Variants in PDIA6 observed in about 807,000 individuals in gnomAD.
The protein encoded by PDIA6 is protein disulfide-isomerase A6.
In PDIA6, 29 loss-of-function variants were observed where a neutral mutation model predicts 58.4. That is an observed-to-expected ratio of 0.50 (90% CI 0.37 to 0.68). PDIA6 has a LOEUF of 0.68. Ranked by LOEUF, PDIA6 falls within the 30% of genes least tolerant of loss-of-function variation. PDIA6 has a pLI of 0.00. For synonymous variants in PDIA6, 192 were observed against 202.6 expected (o/e 0.95, Z 0.44); for missense variants, 480 against 551.0 (o/e 0.87, Z 1.29).
At chr2:10,822,670 C>G (rs531404382) in intron 1 of PDIA6, among the ~76,000 whole-genome samples, 1 of 152,246 alleles carries the variant, frequency 6.6e-6, no homozygotes, top group Non-Finnish European at 1.5e-5. Flanking sequence ...TATCTTCACC[C>G]TCTATACCAT....
At chr2:10,795,923 C>T (rs1443960393) in intron 4 of PDIA6, among the ~76,000 whole-genome samples, 1 of 152,176 alleles carries the variant, frequency 6.6e-6, no homozygotes, top group Non-Finnish European at 1.5e-5. Flanking sequence ...CCATATAAAT[C>T]TTCAACAAAA....
chr2:10,822,901 C>T (rs1178750700), intron 1 of PDIA6, among the ~76,000 whole-genome samples: 1 of 152,220 alleles, frequency 6.6e-6, no homozygotes, highest in Non-Finnish European at 1.5e-5. Flanking sequence ...AAGGCCTCCC[C>T]TTTGTGAACC....
chr2:10,817,284 C>T (rs559784632), upstream of PDIA6, among the ~76,000 whole-genome samples: 6 of 152,334 alleles, frequency 3.9e-5, no homozygotes, highest in South Asian at 1.2e-3. Flanking sequence ...CCTGCCTCAG[C>T]AGCTGATGGT....
upstream of PDIA6, among the ~76,000 whole-genome samples, chr2:10,814,225 C>T (rs1003844855): frequency 1.3e-5 from 2 of 152,134 alleles, no homozygotes; most frequent in African/African-American, 4.8e-5. Flanking sequence ...GAGGAAGTGG[C>T]ACTAGAGCTG....
chr2:10,810,840 G>T (rs1331724668), intron 1 of PDIA6, among the ~76,000 whole-genome samples: 1 of 152,054 alleles, frequency 6.6e-6, no homozygotes, highest in Non-Finnish European at 1.5e-5. Context: ...GACCAATGAC[G>T]TTCTGTTTCT....
At chr2:10,793,847 A>C (rs1342295426) in intron 4 of PDIA6, among the ~76,000 whole-genome samples, 2 of 152,232 alleles carry the variant, frequency 1.3e-5, no homozygotes, top group Admixed American at 1.3e-4. Context: ...GTGAGATACC[A>C]GATAGAAAAG....
intron 4 of PDIA6, among the ~76,000 whole-genome samples, chr2:10,796,353 C>G (rs1052278084): frequency 6.6e-6 from 1 of 151,880 alleles, no homozygotes. Flanking sequence ...ATGCCCAGCC[C>G]GTTTGTGATA....
chr2:10,793,006 C>T (rs1666103353), intron 5 of PDIA6, 90 bp downstream of exon 5: 8 of 829,454 alleles, frequency 9.6e-6, no homozygotes, highest in Middle Eastern at 2.2e-4. Context: ...ACCACTTTAA[C>T]ATACTGTTAA....
intron 1 of PDIA6, among the ~76,000 whole-genome samples, chr2:10,828,618 C>T (rs1020203453): frequency 7.9e-5 from 12 of 152,232 alleles, no homozygotes; most frequent in African/African-American, 2.2e-4. Context: ...CTAGCCTGTG[C>T]GGGGCAGGCG....
intron 1 of PDIA6, among the ~76,000 whole-genome samples, chr2:10,828,805 G>A (rs546506839): frequency 6.6e-6 from 1 of 152,348 alleles, no homozygotes; most frequent in Admixed American, 6.5e-5. Flanking sequence ...ATGACCCCTG[G>A]CTCTGGCCCC....
chr2:10,824,302 G>C (rs1047096522), intron 1 of PDIA6, among the ~76,000 whole-genome samples: 6 of 152,326 alleles, frequency 3.9e-5, no homozygotes, highest in African/African-American at 1.2e-4. Context: ...CCCCATCCCT[G>C]GGGGCAGCTT....
At chr2:10,835,112 G>A (rs116395516), upstream of PDIA6, among the ~76,000 whole-genome samples, 2,746 of 152,288 alleles carry the variant, frequency 0.018, 38 homozygotes, top group Middle Eastern at 0.031. Context: ...ACATGAACAG[G>A]TGGGGCGGGC....
intron 1 of PDIA6, among the ~76,000 whole-genome samples, chr2:10,821,799 T>C (rs1208569720): frequency 6.6e-6 from 1 of 152,022 alleles, no homozygotes; most frequent in African/African-American, 2.4e-5. Flanking sequence ...TAATGTTTTA[T>C]TTTTTGTAGA....
intron 11 of PDIA6, among the ~76,000 whole-genome samples, chr2:10,786,855 G>A (rs567417711): frequency 3.9e-5 from 6 of 152,226 alleles, no homozygotes; most frequent in African/African-American, 9.6e-5. Context: ...ACTTAAGTAC[G>A]CCCATTTTCA....
intron 1 of PDIA6, among the ~76,000 whole-genome samples, chr2:10,831,642 C>T (rs1405196931): frequency 6.6e-6 from 1 of 152,208 alleles, no homozygotes; most frequent in Admixed American, 6.5e-5. Flanking sequence ...CTGGCAGACA[C>T]AAGTAATCTG....
intron 1 of PDIA6, chr2:10,819,416 T>C: frequency 3.1e-6 from 3 of 964,976 alleles, no homozygotes; most frequent in Non-Finnish European, 4.8e-6. Context: ...TACCGAATGT[T>C]CACCATATGC....
At chr2:10,823,550 C>T (rs540788149) in intron 1 of PDIA6, among the ~76,000 whole-genome samples, 9 of 152,376 alleles carry the variant, frequency 5.9e-5, no homozygotes, top group African/African-American at 1.9e-4. Flanking sequence ...CCATCACCAG[C>T]TCCCAACATT....
At chr2:10,833,429 AC>A (rs962720223), upstream of PDIA6, among the ~76,000 whole-genome samples, 4 of 151,852 alleles carry the variant, frequency 2.6e-5, no homozygotes, top group African/African-American at 2.4e-5. Context: ...GTGTGTCCCC[AC>A]CCCCTCTGGG....
intron 1 of PDIA6, chr2:10,810,413 C>G: frequency 1.4e-6 from 2 of 1,448,408 alleles, no homozygotes; most frequent in Admixed American, 2.6e-5. Context: ...CATGCTGTTA[C>G]AAGCAGGCTG....
Sources: allele counts gnomAD v4.1 joint callset (sites outside exome capture counted in the v4.1 genomes callset), GRCh38; gene constraint gnomAD v4.1.1; transcripts MANE v1.5; gene names NCBI Gene and HGNC (gene_info 2026-07-23, HGNC 2026-07-21).